Variants in NIBAN2 observed in about 807,000 individuals in gnomAD.
The protein encoded by NIBAN2 is protein Niban 2.
NIBAN2 carries 36 observed loss-of-function variants against 81.8 expected under a neutral mutation model. That is an observed-to-expected ratio of 0.44 (90% confidence interval 0.34 to 0.58). The LOEUF is 0.58. Ranked by LOEUF, NIBAN2 falls within the 20% of genes least tolerant of loss-of-function variation. The pLI is 0.02. For synonymous variants in NIBAN2, 445 were observed against 441.6 expected (o/e 1.01, Z -0.10); for missense variants, 897 against 1,014.1 (o/e 0.88, Z 1.57).
Position 127,507,089 on chromosome 9 carries a change from G to A in NIBAN2, c.1997C>T (p.Pro666Leu). 6.3e-7 allele frequency: 1 copy of A among 1,577,422 alleles called. No individual in the cohort carries two copies. Among genetic ancestry groups the A allele is most frequent in the Non-Finnish European group, 8.6e-7 (1 of 1,161,940 alleles). The stretch of plus-strand genomic sequence containing the variant: ...GTTGAGCAGGGGGCCGGCTGGTGGG[G>A]GGCTCTCAGGCCGCAGACCTTGGGC... ...LLAQGLRPES[P>L]PPAGPLLNGA... The change falls in exon 14 of 14, where the codon CCC becomes CTC. Residue 666 changes from proline to leucine, a missense_variant. By Grantham distance (98) the Pro-to-Leu change is moderately conservative (BLOSUM62 -3). Transcript: ENST00000373312. The surrounding 1 kb of genome is among the most constrained non-coding windows in gnomAD (Gnocchi z 6.8).
intron 5 of NIBAN2, among the ~76,000 whole-genome samples, chr9:127,521,188 C>G (rs1417480945): frequency 2.0e-5 from 3 of 152,218 alleles, no homozygotes; most frequent in Non-Finnish European, 4.4e-5. Context: ...CTCGTTGAAT[C>G]CTCAGCTCAC....
chr9:127,558,990 G>A (rs926384837), intron 1 of NIBAN2, among the ~76,000 whole-genome samples: 3 of 152,118 alleles, frequency 2.0e-5, no homozygotes, highest in South Asian at 4.1e-4. Flanking sequence ...GCTGTGTGCC[G>A]AAGGCCACAC....
At chr9:127,514,543 G>C (rs777465757) in intron 8 of NIBAN2, among the ~76,000 whole-genome samples, 3 of 152,198 alleles carry the variant, frequency 2.0e-5, no homozygotes, top group Admixed American at 1.3e-4. Flanking sequence ...AACTCCTTTA[G>C]GATGGGTCTT....
intron 5 of NIBAN2, among the ~76,000 whole-genome samples, chr9:127,519,774 TGCA>T (rs1367957017): frequency 6.6e-6 from 1 of 152,160 alleles, no homozygotes; most frequent in African/African-American, 2.4e-5. Context: ...TGGAGCAGCA[TGCA>T]GAGCCCTGGG....
At chr9:127,525,811 A>T (rs558195117) in intron 3 of NIBAN2, among the ~76,000 whole-genome samples, 59 of 152,310 alleles carry the variant, frequency 3.9e-4, no homozygotes, top group African/African-American at 1.4e-3. Flanking sequence ...AACCAGGGCT[A>T]TCTATCTCCA....
intron 8 of NIBAN2, among the ~76,000 whole-genome samples, chr9:127,511,309 A>G (rs1836732222): frequency 6.6e-6 from 1 of 151,988 alleles, no homozygotes; most frequent in South Asian, 2.1e-4. Context: ...CGGCCTCCCA[A>G]AGTGCTGGGA....
At position 127,578,930 on chromosome 9, in the gene NIBAN2, C is replaced by T; in HGVS notation, c.8G>A (p.Trp3Ter). The T allele has an allele frequency of 6.2e-7, 1 of 1,611,160 alleles. No homozygotes were observed. The highest frequency in any genetic ancestry group is 8.5e-7 in the Non-Finnish European group (1 of 1,178,748). Residue 3 changes from tryptophan to a stop codon, truncating the protein, a stop_gained, in exon 1 of 14, where the codon TGG (tryptophan) becomes TAG (stop). Transcript: ENST00000373314. LOFTEE classifies it high-confidence loss of function. ...TTGTGCACAAGTCTTACCTCCCATC[C>T]ACCCCATCCTCCAGAGTGAGAGCCC...
In NIBAN2 at chr9:127,508,008, G is replaced by A. The variant is rs1349473025; in HGVS notation, c.1543-30C>T. On this transcript the variant is annotated intron_variant, in intron 12 of 13. Transcript: ENST00000373312. This position sits in a 1 kb window ranked among gnomAD's most constrained non-coding sequence, Gnocchi z 6.4. ...CCGGGTGGGGCGGCAGAGATGAGAG[G>A]TCAGGGCCAAGGGTAGAGGGAGGCC... 1 of 1,612,862 alleles carries A rather than the reference G, an allele frequency of 6.2e-7. No homozygotes were observed. The highest frequency in any genetic ancestry group is 1.3e-5 in the African/African-American group (1 of 75,030).
rs940663964 is a variant in NIBAN2, at chr9:127,549,675, T to C, written c.56-17897A>G. ...AGAGAACAAGAAAGATGAGCCAATATGAAAATCCACTCGTGTGCTTGCTGC... is the reference window on the plus strand; with the variant it reads ...AGAGAACAAGAAAGATGAGCCAATACGAAAATCCACTCGTGTGCTTGCTGC... On this transcript the variant is annotated intron_variant, in intron 1 of 13. Transcript: ENST00000373312. Among the ~76,000 whole-genome samples the C allele has an allele frequency of 9.2e-5, 14 of 152,278 alleles. No homozygotes were observed. The South Asian group carries it at 1.0e-3, about 11-fold the overall frequency.
chr9:127,547,045 G>T (rs188617616), intron 1 of NIBAN2, among the ~76,000 whole-genome samples: 58 of 151,858 alleles, frequency 3.8e-4, no homozygotes, highest in African/African-American at 1.2e-3. Flanking sequence ...AGGCATGAAA[G>T]AGTTAATCCA....
chr9:127,530,360 A>AGCAGAAAGG (rs1294496082), intron 2 of NIBAN2, among the ~76,000 whole-genome samples: 8 of 152,228 alleles, frequency 5.3e-5, no homozygotes, highest in Non-Finnish European at 7.4e-5. Flanking sequence ...GGGCTGGTCC[A>AGCAGAAAGG]GCCTCCGCCA....
intron 1 of NIBAN2, among the ~76,000 whole-genome samples, chr9:127,576,464 T>C (rs1442945853): frequency 1.3e-5 from 2 of 152,012 alleles, no homozygotes; most frequent in Admixed American, 1.3e-4. Flanking sequence ...GAGAAATAAC[T>C]TCAGGATGAT....
chr9:127,561,725 C>T (rs1216907399), intron 1 of NIBAN2, among the ~76,000 whole-genome samples: 3 of 152,244 alleles, frequency 2.0e-5, no homozygotes, highest in Non-Finnish European at 4.4e-5. Flanking sequence ...GGACCAGTCC[C>T]AGGGGGTGGA....
chr9:127,511,507 T>TAAAAAAAAAAA (rs33964200), intron 8 of NIBAN2, among the ~76,000 whole-genome samples: 2 of 145,888 alleles, frequency 1.4e-5, no homozygotes, highest in Non-Finnish European at 3.0e-5. Flanking sequence ...CAATATTATT[T>TAAAAAAAAAAA]AAAAAAAAAA....
intron 1 of NIBAN2, among the ~76,000 whole-genome samples, chr9:127,546,310 C>T (rs759164568): frequency 3.8e-4 from 58 of 152,244 alleles, no homozygotes; most frequent in Non-Finnish European, 6.2e-4. Flanking sequence ...AGCATCCCCA[C>T]GCCTGTCCAC....
At chr9:127,540,039 C>A (rs1282323177) in intron 1 of NIBAN2, among the ~76,000 whole-genome samples, 2 of 152,210 alleles carry the variant, frequency 1.3e-5, no homozygotes, top group African/African-American at 4.8e-5. Flanking sequence ...CCAATGGGGG[C>A]TCCTAAGAAG....
chr9:127,524,451 C>A (rs1329188675), intron 4 of NIBAN2, among the ~76,000 whole-genome samples: 1 of 152,238 alleles, frequency 6.6e-6, no homozygotes, highest in Non-Finnish European at 1.5e-5. Context: ...CCACACAACA[C>A]CCCGAGGGCA....
At chr9:127,566,885 C>G (rs1305623759) in intron 1 of NIBAN2, among the ~76,000 whole-genome samples, 2 of 151,922 alleles carry the variant, frequency 1.3e-5, no homozygotes, top group Non-Finnish European at 2.9e-5. Flanking sequence ...CCCGCTGCCC[C>G]CTTCCAACAC....
chr9:127,578,884 T>G (rs771490491), intron 1 of NIBAN2: 2 of 1,599,334 alleles, frequency 1.3e-6, no homozygotes, highest in Non-Finnish European at 8.5e-7. Context: ...AAGAACCCCG[T>G]GTGCCTTGTG....
Sources: gnomAD v4.1 joint callset for allele counts (sites outside exome capture counted in the v4.1 genomes callset) on GRCh38, gnomAD v4.1.1 for gene constraint, Gnocchi (gnomAD v3.1) non-coding constraint, MANE v1.5 for transcripts, NCBI Gene and HGNC (gene_info 2026-07-23, HGNC 2026-07-21) for gene names.